Variants in OSBPL3 observed in about 807,000 individuals in gnomAD.
OSBPL3 encodes oxysterol binding protein like 3.
A neutral mutation model predicts 120.1 loss-of-function variants in OSBPL3; 65 were observed. That is an observed-to-expected ratio of 0.54 (90% CI 0.44 to 0.67). The LOEUF is 0.67. OSBPL3 is among the 30% of genes least tolerant of loss of function. OSBPL3 has a pLI of 0.00. For missense variants in OSBPL3, 1,004 were observed against 1,082.1 expected, an observed-to-expected ratio of 0.93 and a Z score of 1.01; for synonymous variants, 416 against 402.6, an observed-to-expected ratio of 1.03 and a Z score of -0.40.
At chr7:24,904,680 G>C (rs886731830) in intron 1 of OSBPL3, among the ~76,000 whole-genome samples, 1 of 152,018 alleles carries the variant, frequency 6.6e-6, no homozygotes, top group Non-Finnish European at 1.5e-5. Context: ...AAAAACTAAA[G>C]AAATCTTACA....
At chr7:24,906,023 C>CA (rs772281151) in intron 1 of OSBPL3, 54 of 150,766 alleles carry the variant, frequency 3.6e-4, no homozygotes, top group African/African-American at 5.6e-4. Context: ...GACTCCATCT[C>CA]AAAAAAAAAG....
intron 1 of OSBPL3, among the ~76,000 whole-genome samples, chr7:24,949,667 T>A (rs990902005): frequency 2.0e-5 from 3 of 152,094 alleles, no homozygotes; most frequent in Non-Finnish European, 4.4e-5. Flanking sequence ...CAGAGCCTTC[T>A]TTGAAGCTGG....
At chr7:24,928,476 C>T (rs1043364954) in intron 1 of OSBPL3, among the ~76,000 whole-genome samples, 2 of 152,194 alleles carry the variant, frequency 1.3e-5, no homozygotes, top group Non-Finnish European at 2.9e-5. Flanking sequence ...CAGGCATCAG[C>T]CACCGTGCCC....
In OSBPL3 at chr7:24,916,313, C is replaced by A. The variant is rs540225109; in HGVS notation, c.-149-23692G>T. Among the ~76,000 whole-genome samples, 1 of 152,214 alleles carries A rather than the reference C, an allele frequency of 6.6e-6. No homozygotes were observed. Among genetic ancestry groups the A allele is most frequent in the South Asian group, 2.1e-4 (1 of 4,828 alleles). ...TTATTTCTGCCCATCATTTATCTACCCATCCTTCTGTTCCTCTCTCACAGT... is the reference window on the plus strand; with the variant it reads ...TTATTTCTGCCCATCATTTATCTACACATCCTTCTGTTCCTCTCTCACAGT... On this transcript the variant is annotated intron_variant, in intron 1 of 22. Transcript: ENST00000313367. This position sits in a 1 kb window ranked among gnomAD's most constrained non-coding sequence, Gnocchi z 4.9.
rs1442432696 is a variant in OSBPL3 at position 24,808,282 on chromosome 7, A to G, written c.2318-1380T>C. On this transcript the variant is annotated intron_variant, in intron 20 of 22. Transcript: ENST00000313367. The surrounding 1 kb of genome is among the most constrained non-coding windows in gnomAD (Gnocchi z 4.6). Reference sequence around the variant, plus strand: ...GTATCCTAAGCATAAAAATAGTAGCAAAGTTTCCTATGGTGTCTTGGTCAG... The same window carrying G: ...GTATCCTAAGCATAAAAATAGTAGCGAAGTTTCCTATGGTGTCTTGGTCAG... 6.6e-6 allele frequency among the ~76,000 whole-genome samples: 1 copy of G among 152,168 alleles called. No individual in the cohort carries two copies. The highest frequency in any genetic ancestry group is 1.5e-5 in the Non-Finnish European group (1 of 68,036).
At chr7:24,892,999 C>T (rs937033712) in intron 1 of OSBPL3, among the ~76,000 whole-genome samples, 1 of 152,006 alleles carries the variant, frequency 6.6e-6, no homozygotes, top group Admixed American at 6.5e-5. Flanking sequence ...AAATTGGAAC[C>T]CTCAGACATT....
Position 24,946,009 on chromosome 7 carries a change from ATTTGATGGCAAT to A in OSBPL3, c.-150+33865_-150+33876del, listed in dbSNP as rs1458104577. On this transcript the variant is annotated intron_variant, in intron 1 of 22. Transcript: ENST00000313367. The surrounding 1 kb of genome is among the most constrained non-coding windows in gnomAD (Gnocchi z 4.3). The stretch of plus-strand genomic sequence containing the variant: ...GGGCAGCTCTGGCTCAGGGTCTCTC[ATTTGATGGCAAT>A]CAGATGCCAGGTGGGGCTGGAGCTA... Among the ~76,000 whole-genome samples, 6 of 152,172 alleles carry A rather than the reference ATTTGATGGCAAT, an allele frequency of 3.9e-5. No individual in the cohort carries two copies. Among genetic ancestry groups the A allele is most frequent in the Admixed American group, 3.9e-4 (6 of 15,278 alleles).
rs932549199 is a variant in OSBPL3 at position 24,896,572 on chromosome 7, G to A, written c.-149-3951C>T. Among the ~76,000 whole-genome samples, 2 of 152,174 alleles carry A rather than the reference G, an allele frequency of 1.3e-5. No individual in the cohort carries two copies. Among genetic ancestry groups the A allele is most frequent in the Non-Finnish European group, 2.9e-5 (2 of 68,040 alleles). ...CTGATTTTAAGACTCATGTTAGTAG[G>A]TTTCACTTAGAAAAGATAACACAAT... On this transcript the variant is annotated intron_variant, in intron 1 of 22. Transcript: ENST00000313367. This position sits in a 1 kb window ranked among gnomAD's most constrained non-coding sequence, Gnocchi z 4.4.
chr7:24,851,069 C>G lies in OSBPL3; in HGVS notation c.1158+1435G>C, dbSNP rs938759870. On this transcript the variant is annotated intron_variant, in intron 11 of 22. Coordinates refer to ENST00000313367, the MANE Select transcript of OSBPL3 (RefSeq NM_015550.4). This position sits in a 1 kb window ranked among gnomAD's most constrained non-coding sequence, Gnocchi z 4.1. ...GGCAGATTGACAAGATGAGGCCAGG[C>G]CTCTGTGGGAGGAGGCAGGGAGAGG... 6.6e-6 allele frequency among the ~76,000 whole-genome samples: 1 copy of G among 152,112 alleles called. No individual in the cohort carries two copies. Among genetic ancestry groups the G allele is most frequent in the Non-Finnish European group, 1.5e-5 (1 of 68,012 alleles).
In OSBPL3 at chr7:24,797,984, A is replaced by G. The variant is rs1584142052; in HGVS notation, c.*2199T>C. ...CCCTCAAGATAGTTTTAAGCTTATA[A>G]TATCAGGATGCATCACCAAGCTGTT... On this transcript the variant is annotated 3_prime_UTR_variant, in exon 23 of 23. Transcript: ENST00000313367. This position sits in a 1 kb window ranked among gnomAD's most constrained non-coding sequence, Gnocchi z 4.8. 3 of 152,336 alleles carry G rather than the reference A, an allele frequency of 2.0e-5. No homozygotes were observed. The highest frequency in any genetic ancestry group is 3.4e-3 in the Middle Eastern group (1 of 294). 9.4% of individuals were successfully genotyped at this position (152,336 alleles called of 1,614,324 possible).
At chr7:24,941,736 AAC>A (rs1198680576) in intron 1 of OSBPL3, among the ~76,000 whole-genome samples, 1 of 152,246 alleles carries the variant, frequency 6.6e-6, no homozygotes, top group Non-Finnish European at 1.5e-5. Flanking sequence ...AGCATAAAAT[AAC>A]ACATTTAGTT....
At chr7:24,904,424 A>G (rs906908412) in intron 1 of OSBPL3, among the ~76,000 whole-genome samples, 1 of 152,232 alleles carries the variant, frequency 6.6e-6, no homozygotes, top group Non-Finnish European at 1.5e-5. Context: ...ACAATACAAC[A>G]ATGAAAATAT....
chr7:24,923,973 T>G (rs1453552724), intron 1 of OSBPL3, among the ~76,000 whole-genome samples: 1 of 152,220 alleles, frequency 6.6e-6, no homozygotes, highest in African/African-American at 2.4e-5. Flanking sequence ...ACTGGCAATT[T>G]TGACACATAT....
At chr7:24,895,463 C>A (rs902200714) in intron 1 of OSBPL3, among the ~76,000 whole-genome samples, 6 of 152,180 alleles carry the variant, frequency 3.9e-5, no homozygotes, top group African/African-American at 1.2e-4. Flanking sequence ...GTTCCCACAA[C>A]AACGATGAAA....
Position 24,936,311 on chromosome 7 carries a change from C to A in OSBPL3, c.-150+43575G>T, listed in dbSNP as rs116853266. On this transcript the variant is annotated intron_variant, in intron 1 of 22. Transcript: ENST00000313367. This position sits in a 1 kb window ranked among gnomAD's most constrained non-coding sequence, Gnocchi z 4.2. Reference sequence around the variant, plus strand: ...GGCTAACTTTTCCTCTCACAATCCACAAACATGAATACGTTCTTTCAATAT... The same window carrying A: ...GGCTAACTTTTCCTCTCACAATCCAAAAACATGAATACGTTCTTTCAATAT... 5.5e-3 allele frequency among the ~76,000 whole-genome samples: 841 copies of A among 152,274 alleles called. 4 individuals are homozygous for A. Among genetic ancestry groups the A allele is most frequent in the Non-Finnish European group, 9.6e-3 (654 of 68,006 alleles).
In OSBPL3 at chr7:24,849,109, T is replaced by A. The variant is rs1195899642; in HGVS notation, c.1226A>T (p.Asp409Val). The stretch of plus-strand genomic sequence containing the variant: ...ACCCGACTTGGCGACAGCGGGGGAG[T>A]CGAGGAGCAGAGACTCGGCATGGAT... ...RRIHAESLLL[D>V]SPAVAKSGDN... The change falls in exon 12 of 23, where the codon GAC (aspartate) becomes GTC (valine). Residue 409 changes from aspartate (D) to valine (V), a missense_variant. By Grantham distance (152) the Asp-to-Val change is radical (BLOSUM62 -3). This residue lies in a region of OSBPL3 where 272 missense variants were observed against 248.8 expected (regional missense o/e 1.09). Transcript: ENST00000313367. The surrounding 1 kb of genome is among the most constrained non-coding windows in gnomAD (Gnocchi z 5.4). 1.9e-6 allele frequency: 3 copies of A among 1,613,648 alleles called. No homozygotes were observed. The Admixed American group carries it at 5.0e-5, about 27-fold the overall frequency.
At chr7:24,892,170 C>T (rs973516055) in intron 2 of OSBPL3, among the ~76,000 whole-genome samples, 4 of 152,206 alleles carry the variant, frequency 2.6e-5, no homozygotes, top group South Asian at 2.1e-4. Flanking sequence ...TAAAATTATA[C>T]GAAGAACCAA....
chr7:24,816,578 T>C (rs1019242576), intron 18 of OSBPL3, 32 bp downstream of exon 18: 1 of 1,520,760 alleles, frequency 6.6e-7, no homozygotes, highest in Non-Finnish European at 9.1e-7. Context: ...CTAAATTCCA[T>C]AAAGCTCCTT....
At chr7:24,878,758 T>C (rs759500255) in intron 2 of OSBPL3, among the ~76,000 whole-genome samples, 36 of 152,238 alleles carry the variant, frequency 2.4e-4, no homozygotes, top group Non-Finnish European at 5.9e-5. Flanking sequence ...AGGTAGTGTA[T>C]GAGCTCTCAC....
Sources: allele counts gnomAD v4.1 joint callset (sites outside exome capture counted in the v4.1 genomes callset), GRCh38; gene constraint gnomAD v4.1.1; regional missense constraint gnomAD v4.1.1; non-coding constraint Gnocchi (gnomAD v3.1); transcripts MANE v1.5; gene names NCBI Gene and HGNC (gene_info 2026-07-23, HGNC 2026-07-21).